The following RASGEF1C variants were observed in gnomAD, a reference collection of about 807,000 sequenced individuals.
RASGEF1C encodes RasGEF domain family member 1C.
A neutral mutation model predicts 58.1 loss-of-function variants in RASGEF1C; 27 were observed. The observed-to-expected ratio is 0.46, with a 90% CI of 0.34 to 0.64. The LOEUF (loss-of-function observed/expected upper bound fraction) is 0.64, where lower values mean the gene tolerates loss of function less well. RASGEF1C is among the 30% of genes least tolerant of loss of function. The probability of loss-of-function intolerance (pLI) is 0.01; values close to 1 mark genes in which losing one functional copy is unlikely to be tolerated. For synonymous variants in RASGEF1C, 243 were observed against 246.3 expected (o/e 0.99, Z 0.13); for missense variants, 502 against 605.1 (o/e 0.83, Z 1.79).
chr5:180,104,960 G>A (rs986012129), intron 12 of RASGEF1C, among the ~76,000 whole-genome samples: 2 of 152,042 alleles, frequency 1.3e-5, no homozygotes, highest in African/African-American at 4.8e-5. Flanking sequence ...ATTATCTGTG[G>A]GGGATACATT....
At chr5:180,101,622 A>G in intron 13 of RASGEF1C, 97 bp from the exon 14 acceptor site, 2 of 1,468,512 alleles carry the variant, frequency 1.4e-6, no homozygotes, top group Non-Finnish European at 9.3e-7. Flanking sequence ...TGCGCTGAGG[A>G]GAGCCAGCCT....
At chr5:180,114,329 A>G in intron 11 of RASGEF1C, 117 bp downstream of exon 11, 1 of 928,278 alleles carries the variant, frequency 1.1e-6, no homozygotes, top group Non-Finnish European at 1.7e-6. Context: ...TCGGCTGTGA[A>G]CTGCTCATTC....
At chr5:180,152,765 A>C (rs1766782316) in intron 1 of RASGEF1C, among the ~76,000 whole-genome samples, 1 of 151,992 alleles carries the variant, frequency 6.6e-6, no homozygotes, top group Non-Finnish European at 1.5e-5. Flanking sequence ...ACAAAAAATT[A>C]GCTGGGCGTG....
chr5:180,190,628 A>G (rs1008880494), intron 1 of RASGEF1C, among the ~76,000 whole-genome samples: 7 of 151,032 alleles, frequency 4.6e-5, no homozygotes, highest in African/African-American at 1.7e-4. Context: ...TGATCGCACC[A>G]CTGCTCTCCA....
chr5:180,119,941 C>T (rs150617004), intron 7 of RASGEF1C, among the ~76,000 whole-genome samples: 83 of 152,266 alleles, frequency 5.5e-4, no homozygotes, highest in African/African-American at 1.9e-3. Flanking sequence ...ACTTCAGACC[C>T]CTGTGATGCG....
At chr5:180,176,621 A>G (rs933171077) in intron 1 of RASGEF1C, among the ~76,000 whole-genome samples, 2 of 150,934 alleles carry the variant, frequency 1.3e-5, no homozygotes, top group Non-Finnish European at 2.9e-5. Flanking sequence ...CAGTGGCGCA[A>G]TCTCGGCTCA....
chr5:180,165,995 C>T (rs112384751), intron 1 of RASGEF1C, among the ~76,000 whole-genome samples: 91 of 151,888 alleles, frequency 6.0e-4, no homozygotes, highest in African/African-American at 2.1e-3. Flanking sequence ...GTGATCTGCC[C>T]GCCTCGGCTT....
chr5:180,204,300 G>A (rs2127564823), intron 1 of RASGEF1C, among the ~76,000 whole-genome samples: 1 of 152,268 alleles, frequency 6.6e-6, no homozygotes, highest in African/African-American at 2.4e-5. Context: ...TAGATTCCTG[G>A]GAGTGGGACT....
In RASGEF1C at chr5:180,156,434, G is replaced by C. The variant is rs970426753; in HGVS notation, c.-6-18376C>G. On this transcript the variant is annotated intron_variant, in intron 1 of 13. Coordinates refer to ENST00000361132, the MANE Select transcript of RASGEF1C (RefSeq NM_175062.4). The surrounding 1 kb of genome is among the most constrained non-coding windows in gnomAD (Gnocchi z 4.9). ...GTTGGTGCCTGGCAGGGCCGAGGTG[G>C]GAACCAAGCGCTGGACCTCTGTGAT... Among the ~76,000 whole-genome samples, 1 of 152,150 alleles carries C rather than the reference G, an allele frequency of 6.6e-6. No homozygotes were observed. The highest frequency in any genetic ancestry group is 1.5e-5 in the Non-Finnish European group (1 of 68,042).
chr5:180,182,433 A>C (rs1198356039), intron 1 of RASGEF1C, among the ~76,000 whole-genome samples: 1 of 152,120 alleles, frequency 6.6e-6, no homozygotes, highest in Non-Finnish European at 1.5e-5. Flanking sequence ...AGACCAAAAG[A>C]ACTCAGCTTC....
At chr5:180,128,271 G>C in intron 5 of RASGEF1C, 139 bp downstream of exon 5, 1 of 813,316 alleles carries the variant, frequency 1.2e-6, no homozygotes, top group East Asian at 2.4e-5. Context: ...ATCCACAAGG[G>C]GCCCAGTGCA....
At chr5:180,205,360 C>G (rs1328622993) in intron 1 of RASGEF1C, among the ~76,000 whole-genome samples, 9 of 152,010 alleles carry the variant, frequency 5.9e-5, no homozygotes. Context: ...GATAAAAATA[C>G]TCATGAATAA....
Position 180,137,644 on chromosome 5 carries a change from C to T in RASGEF1C, c.246G>A (p.Arg82=), listed in dbSNP as rs1766506206. 6.2e-7 allele frequency: 1 copy of T among 1,612,664 alleles called. No homozygotes were observed. The highest frequency in any genetic ancestry group is 1.7e-5 in the Admixed American group (1 of 60,012). Residue 82 remains arginine, a synonymous_variant, in exon 3 of 14, where the codon CGG becomes CGA. Transcript: ENST00000361132. The surrounding 1 kb of genome is among the most constrained non-coding windows in gnomAD (Gnocchi z 4.1). ...LFIEPRELLA[R]VCHLCIEQQQ... Reference sequence around the variant, plus strand: ...GCTGCTCGATGCACAGGTGGCAGACCCGGGCCAGGAGCTCCCGGGGCTCGA... The same window carrying T: ...GCTGCTCGATGCACAGGTGGCAGACTCGGGCCAGGAGCTCCCGGGGCTCGA...
At position 180,156,088 on chromosome 5, in the gene RASGEF1C, C is replaced by T. The variant is rs538101470; in HGVS notation, c.-6-18030G>A. ...AAATCCCTAATGCATCTTCCTCAAC[C>T]GGTCCCACTCCTCATCCCCCTAACC... On this transcript the variant is annotated intron_variant, in intron 1 of 13. Transcript: ENST00000361132. The surrounding 1 kb of genome is among the most constrained non-coding windows in gnomAD (Gnocchi z 4.9). Among the ~76,000 whole-genome samples the T allele has an allele frequency of 1.3e-5, 2 of 152,132 alleles. No individual in the cohort carries two copies. Among genetic ancestry groups the T allele is most frequent in the South Asian group, 2.1e-4 (1 of 4,826 alleles).
At chr5:180,169,792 G>A (rs1308884720) in intron 1 of RASGEF1C, among the ~76,000 whole-genome samples, 2 of 28,854 alleles carry the variant, frequency 6.9e-5, no homozygotes, top group Non-Finnish European at 1.7e-4. Context: ...CCCACCCCCC[G>A]ACCCCATGGG....
chr5:180,128,799 T>C (rs1766311215), intron 4 of RASGEF1C, among the ~76,000 whole-genome samples, 189 bp from the exon 5 acceptor site: 1 of 151,914 alleles, frequency 6.6e-6, no homozygotes, highest in Admixed American at 6.6e-5. Flanking sequence ...CCGGCCAGGG[T>C]GGGGCCACCT....
At chr5:180,165,825 C>T (rs1767013447) in intron 1 of RASGEF1C, among the ~76,000 whole-genome samples, 1 of 138,284 alleles carries the variant, frequency 7.2e-6, no homozygotes, top group Non-Finnish European at 1.5e-5. Flanking sequence ...TCTCGGCTCA[C>T]TGCAAGCTCT....
chr5:180,193,795 T>G (rs56654465), intron 1 of RASGEF1C, among the ~76,000 whole-genome samples: 15,051 of 152,150 alleles, frequency 0.099, 1,002 homozygotes, highest in Non-Finnish European at 0.14. Flanking sequence ...CAAGAAATTA[T>G]TATTAATTTT....
intron 5 of RASGEF1C, among the ~76,000 whole-genome samples, chr5:180,128,002 G>A (rs1427802659): frequency 2.0e-5 from 3 of 152,232 alleles, no homozygotes; most frequent in African/African-American, 7.2e-5. Flanking sequence ...CTGGTGGCTA[G>A]GAGCATGGCA....
Sources: gnomAD v4.1 joint callset for allele counts (sites outside exome capture counted in the v4.1 genomes callset) on GRCh38, gnomAD v4.1.1 for gene constraint, Gnocchi (gnomAD v3.1) non-coding constraint, MANE v1.5 for transcripts, NCBI Gene and HGNC (gene_info 2026-07-23, HGNC 2026-07-21) for gene names.